The following PEX13 variants were observed in gnomAD, a reference collection of about 807,000 sequenced individuals.
PEX13 encodes the protein peroxisome biogenesis factor 13.
Under a neutral mutation model 34.5 loss-of-function variants are expected in PEX13, and 28 were observed. The observed-to-expected ratio is 0.81, with a 90% CI of 0.60 to 1.11. The LOEUF (loss-of-function observed/expected upper bound fraction) is 1.11. PEX13 is among the 50% of genes most tolerant of loss of function. The probability of loss-of-function intolerance (pLI) is 0.00; values close to 1 mark genes in which losing one functional copy is unlikely to be tolerated. For synonymous variants in PEX13, 177 were observed against 175.1 expected, an observed-to-expected ratio of 1.01 and a Z score of -0.09; for missense variants, 550 against 491.0, an observed-to-expected ratio of 1.12 and a Z score of -1.13.
At chr2:61,035,615 C>G (rs571842375) in intron 2 of PEX13, among the ~76,000 whole-genome samples, 55 of 152,260 alleles carry the variant, frequency 3.6e-4, no homozygotes, top group African/African-American at 1.2e-3. Context: ...AAAGAGTGTA[C>G]AGAAGACCTT....
At chr2:61,029,087 T>C (rs62150978) in intron 1 of PEX13, among the ~76,000 whole-genome samples, 34,132 of 147,640 alleles carry the variant, frequency 0.23, 4,813 homozygotes, top group African/African-American at 0.39. Flanking sequence ...TTACTTGAGC[T>C]GTGTTTGCGC....
In PEX13 at chr2:61,051,495, G is replaced by A. The variant is rs541807278; in HGVS notation, c.*2725G>A. On this transcript the variant is annotated 3_prime_UTR_variant, in exon 4 of 4. Coordinates refer to ENST00000295030, the MANE Select transcript of PEX13 (RefSeq NM_002618.4). ...CATTATCTGGTGACTATTTGTGCCT[G>A]AAAATTCGTTTTGTATTAAAATTCT... 6.6e-6 allele frequency: 1 copy of A among 152,410 alleles called. No homozygotes were observed. The highest frequency in any genetic ancestry group is 2.1e-4 in the South Asian group (1 of 4,822). The allele number at this position is 152,410 out of a possible 1,614,324, so 9.4% of individuals were successfully genotyped here.
intron 2 of PEX13, among the ~76,000 whole-genome samples, chr2:61,041,756 G>C (rs916086553): frequency 6.6e-6 from 1 of 152,154 alleles, no homozygotes; most frequent in Admixed American, 6.6e-5. Flanking sequence ...GAAGTGAGGA[G>C]ATCTGAGAAT....
chr2:61,027,579 C>T (rs1202957016), intron 1 of PEX13, among the ~76,000 whole-genome samples: 1 of 152,170 alleles, frequency 6.6e-6, no homozygotes, highest in Non-Finnish European at 1.5e-5. Context: ...TGAACTGGTT[C>T]CATTTTAATG....
chr2:61,040,314 T>C (rs570286239), intron 2 of PEX13, among the ~76,000 whole-genome samples: 1 of 152,224 alleles, frequency 6.6e-6, no homozygotes, highest in African/African-American at 2.4e-5. Context: ...CTGTTCACAA[T>C]AGCAAAGACT....
At chr2:61,040,670 G>T (rs1680608029) in intron 2 of PEX13, among the ~76,000 whole-genome samples, 1 of 151,138 alleles carries the variant, frequency 6.6e-6, no homozygotes, top group Admixed American at 6.6e-5. Flanking sequence ...AAACCAACAT[G>T]ACACATATAT....
chr2:61,042,547 A>C (rs1680641895), intron 2 of PEX13, among the ~76,000 whole-genome samples: 3 of 152,220 alleles, frequency 2.0e-5, no homozygotes, highest in Non-Finnish European at 4.4e-5. Flanking sequence ...TAGCTATGTT[A>C]AATGGCTATA....
Position 61,048,659 on chromosome 2 carries a change from T to C in PEX13, c.1101T>C (p.Ala367=), listed in dbSNP as rs1330389191. The C allele has an allele frequency of 6.2e-7, 1 of 1,614,024 alleles. No individual in the cohort carries two copies. Among genetic ancestry groups the C allele is most frequent in the Non-Finnish European group, 8.5e-7 (1 of 1,179,854 alleles). Reference sequence around the variant, plus strand: ...CACTAACTAAAGGAGCCACGGTTGCTGATTCTTTGGATGAACAGGAAGCTG... The same window carrying C: ...CACTAACTAAAGGAGCCACGGTTGCCGATTCTTTGGATGAACAGGAAGCTG... The part of the protein sequence containing the change: ...NPTLTKGATV[A]DSLDEQEAAF... The change falls in exon 4 of 4, where the codon GCT becomes GCC. Residue 367 remains alanine (A), a synonymous_variant. Transcript: ENST00000295030.
chr2:61,020,226 A>C (rs1680232070), intron 1 of PEX13, among the ~76,000 whole-genome samples: 2 of 152,180 alleles, frequency 1.3e-5, no homozygotes, highest in Non-Finnish European at 2.9e-5. Flanking sequence ...ACTCCATCTC[A>C]AACAACAACA....
Position 61,049,069 on chromosome 2 carries a change from A to T in PEX13, c.*299A>T, listed in dbSNP as rs759687528. On this transcript the variant is annotated 3_prime_UTR_variant, in exon 4 of 4. Coordinates refer to ENST00000295030, the MANE Select transcript of PEX13 (RefSeq NM_002618.4). The stretch of plus-strand genomic sequence containing the variant: ...TAGGTTTATTGGAAGAGTAAGATTG[A>T]TGAACTATAGCATGCACAGTTTGGT... 3 of 396,528 alleles carry T rather than the reference A, an allele frequency of 7.6e-6. No homozygotes were observed. The Admixed American group carries it at 1.2e-4, about 16-fold the overall frequency. The allele number at this position is 396,528 out of a possible 1,614,324, so 24.6% of individuals were successfully genotyped here.
chr2:61,026,077 G>C (rs1680349361), intron 1 of PEX13, among the ~76,000 whole-genome samples: 1 of 151,920 alleles, frequency 6.6e-6, no homozygotes, highest in South Asian at 2.1e-4. Flanking sequence ...AAAAGATCTG[G>C]CTCTCTGGGT....
At chr2:61,046,701 G>T (rs577366136) in intron 3 of PEX13, among the ~76,000 whole-genome samples, 1 of 152,270 alleles carries the variant, frequency 6.6e-6, no homozygotes, top group South Asian at 2.1e-4. Flanking sequence ...AAGCAAAGGT[G>T]CAATAGAACT....
At chr2:61,023,257 A>G (rs764759536) in intron 1 of PEX13, among the ~76,000 whole-genome samples, 1 of 152,112 alleles carries the variant, frequency 6.6e-6, no homozygotes, top group Non-Finnish European at 1.5e-5. Context: ...CTCTCACCTC[A>G]GCCTCCCAAA....
chr2:61,043,236 C>G (rs1306851788), intron 2 of PEX13, among the ~76,000 whole-genome samples: 1 of 151,256 alleles, frequency 6.6e-6, no homozygotes, highest in East Asian at 1.9e-4. Context: ...GTGGCTCATG[C>G]CTGTAATCCT....
At chr2:61,040,694 A>G (rs944444783) in intron 2 of PEX13, among the ~76,000 whole-genome samples, 14 of 151,112 alleles carry the variant, frequency 9.3e-5, no homozygotes, top group African/African-American at 3.4e-4. Flanking sequence ...TCTGTAACAA[A>G]CCGGCACACT....
At chr2:61,041,173 AC>A (rs940941186) in intron 2 of PEX13, among the ~76,000 whole-genome samples, 2 of 152,106 alleles carry the variant, frequency 1.3e-5, no homozygotes, top group African/African-American at 2.4e-5. Flanking sequence ...TACAACAGTT[AC>A]AAAAAGTATC....
At position 61,048,452 on chromosome 2, in the gene PEX13, CTG is replaced by C; in HGVS notation, c.914-18_914-17del. ...TCCAAAGTATATTGTAATTACAAGACTGTCTTTTTTTTCCATCAGAACAACAA... is the reference window on the plus strand; with the variant it reads ...TCCAAAGTATATTGTAATTACAAGACTCTTTTTTTTCCATCAGAACAACAA... On this transcript the variant is annotated intron_variant, in intron 3 of 3. Transcript: ENST00000295030. 1 of 1,607,468 alleles carries C rather than the reference CTG, an allele frequency of 6.2e-7. No individual in the cohort carries two copies. Among genetic ancestry groups the C allele is most frequent in the Non-Finnish European group, 8.5e-7 (1 of 1,175,020 alleles).
At chr2:61,023,754 C>G (rs1680305455) in intron 1 of PEX13, among the ~76,000 whole-genome samples, 1 of 137,402 alleles carries the variant, frequency 7.3e-6, no homozygotes, top group Admixed American at 7.5e-5. Context: ...TTTTTGTCAG[C>G]TCTCTTGACT....
At chr2:61,041,525 T>G (rs1336590130) in intron 2 of PEX13, among the ~76,000 whole-genome samples, 1 of 152,124 alleles carries the variant, frequency 6.6e-6, no homozygotes, top group Non-Finnish European at 1.5e-5. Context: ...GAGAAAAGAT[T>G]ATTAGATCTG....
Sources: gnomAD v4.1 joint callset for allele counts (sites outside exome capture counted in the v4.1 genomes callset) on GRCh38, gnomAD v4.1.1 for gene constraint, MANE v1.5 for transcripts, NCBI Gene and HGNC (gene_info 2026-07-23, HGNC 2026-07-21) for gene names.